The following MYOF variants were observed in gnomAD, a reference collection of about 807,000 sequenced individuals.
The protein encoded by MYOF is myoferlin.
Under a neutral mutation model 284.2 loss-of-function variants are expected in MYOF, and 244 were observed. That is an observed-to-expected ratio of 0.86 (90% CI 0.77 to 0.95). MYOF has a LOEUF of 0.95. Ranked by LOEUF, MYOF falls within the 40% of genes least tolerant of loss-of-function variation. MYOF has a pLI of 0.00. For synonymous variants in MYOF, 904 were observed against 919.7 expected (o/e 0.98, Z 0.31); for missense variants, 2,496 against 2,560.6 (o/e 0.97, Z 0.54).
intron 17 of MYOF, among the ~76,000 whole-genome samples, chr10:93,391,987 A>C (rs1460584515): frequency 6.6e-6 from 1 of 152,130 alleles, no homozygotes; most frequent in East Asian, 1.9e-4. Flanking sequence ...TTTCCTAAAC[A>C]CCTACTACTG....
chr10:93,341,084 CA>C (rs1564632246), intron 38 of MYOF, among the ~76,000 whole-genome samples: 1 of 152,156 alleles, frequency 6.6e-6, no homozygotes, highest in South Asian at 2.1e-4. Flanking sequence ...ATAGATATAT[CA>C]ATTCTTTCTA....
At chr10:93,423,966 A>G (rs1487930420) in intron 5 of MYOF, among the ~76,000 whole-genome samples, 1 of 152,192 alleles carries the variant, frequency 6.6e-6, no homozygotes, top group Non-Finnish European at 1.5e-5. Flanking sequence ...ACACCATGTG[A>G]CAGCAGAGGC....
rs116521442 is a variant in MYOF, at chr10:93,337,802, T to C, written c.4437+13A>G. ...TGTTGATTCTCCACCCATAGCAGCATAGATCCAGGTACCTTGAGCTTGGAA... is the reference window on the plus strand; with the variant it reads ...TGTTGATTCTCCACCCATAGCAGCACAGATCCAGGTACCTTGAGCTTGGAA... On this transcript the variant is annotated intron_variant, in intron 40 of 53. Coordinates refer to ENST00000359263, the MANE Select transcript of MYOF (RefSeq NM_013451.4). 2,324 of 1,607,502 alleles carry C rather than the reference T, an allele frequency of 1.4e-3. 32 individuals carry two copies. In the African/African-American group the frequency reaches 0.027, roughly 19 times the overall value.
At chr10:93,405,633 T>G (rs1002812331) in intron 7 of MYOF, among the ~76,000 whole-genome samples, 4 of 152,126 alleles carry the variant, frequency 2.6e-5, no homozygotes, top group African/African-American at 4.8e-5. Context: ...GTGTGAATGT[T>G]TCCTCACTGT....
At chr10:93,424,009 A>G (rs1462773084) in intron 5 of MYOF, among the ~76,000 whole-genome samples, 2 of 152,150 alleles carry the variant, frequency 1.3e-5, no homozygotes, top group East Asian at 3.9e-4. Flanking sequence ...CAAGCCACAG[A>G]TGCCAAGGAA....
intron 3 of MYOF, among the ~76,000 whole-genome samples, chr10:93,431,746 C>CTTTTTTT (rs35400002): frequency 1.5e-5 from 2 of 131,800 alleles, no homozygotes; most frequent in African/African-American, 2.9e-5. Context: ...TCTTTCTTTT[C>CTTTTTTT]TTTTTTTTTT....
intron 10 of MYOF, among the ~76,000 whole-genome samples, chr10:93,402,621 A>C (rs1435229705): frequency 6.6e-6 from 1 of 152,158 alleles, no homozygotes; most frequent in Admixed American, 6.5e-5. Context: ...TATCCTCACA[A>C]AACATAGAAA....
rs747736545 is a variant in MYOF at position 93,409,698 on chromosome 10, T to C, written c.475A>G (p.Asn159Asp). ...EDEGDEDRLD[N>D]AVRGPGPKGP... ...TTGGGCCCAGGGCCCCTGACTGCAT[T>C]GTCCAACCTGTCTTCATCACCTTCA... Residue 159 changes from asparagine to aspartate, a missense_variant, in exon 6 of 54, where the codon AAT becomes GAT. Around this residue, in one of 3 missense-constraint regions of MYOF, gnomAD observed 2,436 missense variants for 2,480.7 expected, o/e 0.98. Coordinates refer to ENST00000359263, the MANE Select transcript of MYOF (RefSeq NM_013451.4). The C allele has an allele frequency of 1.2e-6, 2 of 1,614,186 alleles. No homozygotes were observed. The highest frequency in any genetic ancestry group is 4.5e-5 in the East Asian group (2 of 44,884).
At chr10:93,478,421 C>T (rs7095171) in intron 1 of MYOF, 125,746 of 161,478 alleles carry the variant, frequency 0.78, 49,454 homozygotes, top group South Asian at 0.84. Flanking sequence ...TTGTGGCTTT[C>T]ATAATCTACA....
At position 93,399,403 on chromosome 10, in the gene MYOF, C is replaced by A. The variant is rs1282209452; in HGVS notation, c.1210G>T (p.Ala404Ser). 1.2e-6 allele frequency: 2 copies of A among 1,610,302 alleles called. No individual in the cohort carries two copies. Among genetic ancestry groups the A allele is most frequent in the Admixed American group, 1.7e-5 (1 of 59,620 alleles). ...LVDPFVEVSF[A>S]GKKVCTNIIE... ...GATCATGTACAAACCTTTTTTCCAG[C>A]AAAGGAAACTTCTACAAAAGGATCC... Residue 404 changes from alanine to serine, a missense_variant, in exon 13 of 54, where the codon GCT (alanine) becomes TCT (serine). This residue lies in a region of MYOF where 2,436 missense variants were observed against 2,480.7 expected (regional missense o/e 0.98). Coordinates refer to ENST00000359263, the MANE Select transcript of MYOF (RefSeq NM_013451.4).
At chr10:93,393,434 G>A (rs912493060) in intron 16 of MYOF, among the ~76,000 whole-genome samples, 21 of 152,110 alleles carry the variant, frequency 1.4e-4, no homozygotes, top group East Asian at 3.8e-4. Flanking sequence ...TTGACAGCTC[G>A]TTGTTATTTT....
chr10:93,414,787 A>G (rs1351781391), intron 5 of MYOF, among the ~76,000 whole-genome samples: 8 of 151,952 alleles, frequency 5.3e-5, no homozygotes, highest in Admixed American at 1.3e-4. Flanking sequence ...TGTGTCATCC[A>G]GGCTGGAGTG....
intron 36 of MYOF, among the ~76,000 whole-genome samples, chr10:93,348,039 T>A (rs1356995967): frequency 6.6e-6 from 1 of 152,232 alleles, no homozygotes; most frequent in Non-Finnish European, 1.5e-5. Context: ...ATTTCATGAG[T>A]AATAGTAACA....
At chr10:93,414,887 G>A (rs986731961) in intron 5 of MYOF, among the ~76,000 whole-genome samples, 3 of 151,966 alleles carry the variant, frequency 2.0e-5, no homozygotes, top group Non-Finnish European at 2.9e-5. Context: ...GGGATTACAG[G>A]CACCTGCCAC....
At chr10:93,317,913 T>C (rs542134326) in intron 49 of MYOF, among the ~76,000 whole-genome samples, 1 of 152,310 alleles carries the variant, frequency 6.6e-6, no homozygotes, top group African/African-American at 2.4e-5. Flanking sequence ...ATGTTTTCCT[T>C]TGCAGGGCTC....
chr10:93,350,644 A>G (rs1276903346), intron 35 of MYOF, among the ~76,000 whole-genome samples: 2 of 152,172 alleles, frequency 1.3e-5, no homozygotes, highest in African/African-American at 4.8e-5. Context: ...GGTGTCTGAC[A>G]TGGAAGCATT....
At chr10:93,329,130 A>G (rs1396186463) in intron 44 of MYOF, among the ~76,000 whole-genome samples, 1 of 152,176 alleles carries the variant, frequency 6.6e-6, no homozygotes, top group African/African-American at 2.4e-5. Context: ...ATTTAATATT[A>G]TTTAGCCCTC....
intron 1 of MYOF, among the ~76,000 whole-genome samples, chr10:93,470,099 C>T (rs530628121): frequency 3.6e-4 from 54 of 151,500 alleles, no homozygotes; most frequent in African/African-American, 1.0e-3. Context: ...CATGATGGTG[C>T]GCACCTGAAA....
At chr10:93,333,397 C>A in intron 42 of MYOF, 85 bp from the exon 43 acceptor site, 1 of 1,136,306 alleles carries the variant, frequency 8.8e-7, no homozygotes, top group Admixed American at 1.7e-5. Flanking sequence ...CTCGCCTCCA[C>A]ACCCACTCCC....
Sources: gnomAD v4.1 joint callset for allele counts (sites outside exome capture counted in the v4.1 genomes callset) on GRCh38, gnomAD v4.1.1 for gene constraint, gnomAD v4.1.1 regional missense constraint, MANE v1.5 for transcripts, NCBI Gene and HGNC (gene_info 2026-07-23, HGNC 2026-07-21) for gene names.